The following LARGE1 variants were observed in gnomAD, a reference collection of about 807,000 sequenced individuals.
The protein encoded by LARGE1 is LARGE xylosyl- and glucuronyltransferase 1.
A neutral mutation model predicts 87.6 loss-of-function variants in LARGE1; 43 were observed. The observed-to-expected ratio is 0.49, with a 90% CI of 0.38 to 0.63. The LOEUF (loss-of-function observed/expected upper bound fraction) is 0.63. Among genes scored for constraint, LARGE1 ranks in the 30% least tolerant of loss-of-function variants. The probability of loss-of-function intolerance (pLI) is 0.00; values close to 1 mark genes in which losing one functional copy is unlikely to be tolerated. For synonymous variants in LARGE1, 434 were observed against 394.6 expected, an observed-to-expected ratio of 1.10 and a Z score of -1.18; for missense variants, 802 against 1,000.2, an observed-to-expected ratio of 0.80 and a Z score of 2.67.
chr22:33,149,358 T>C, the LARGE1 span, among the ~76,000 whole-genome samples: 3 of 152,158 alleles, frequency 2.0e-5, no homozygotes, highest in African/African-American at 7.2e-5. Flanking sequence ...CTTAACAGTG[T>C]CTTTCATGGA....
chr22:33,780,119 C>G (rs752869774), intron 1 of LARGE1, among the ~76,000 whole-genome samples: 2 of 152,200 alleles, frequency 1.3e-5, no homozygotes, highest in Non-Finnish European at 2.9e-5. Context: ...CCAACCTTCA[C>G]GCGACATTGT....
the LARGE1 span, among the ~76,000 whole-genome samples, chr22:33,128,410 C>T: frequency 3.3e-5 from 5 of 152,206 alleles, no homozygotes; most frequent in South Asian, 2.1e-4. Flanking sequence ...TGCAGTGGCT[C>T]ATGCCTGTAA....
intron 6 of LARGE1, among the ~76,000 whole-genome samples, chr22:33,452,664 C>T (rs773658731): frequency 7.9e-5 from 12 of 152,140 alleles, no homozygotes; most frequent in African/African-American, 2.4e-5. Context: ...TTTGTCAGAA[C>T]AGCATTTCAG....
intron 1 of LARGE1, among the ~76,000 whole-genome samples, chr22:33,807,177 C>T (rs1235587657): frequency 1.3e-5 from 2 of 152,146 alleles, no homozygotes; most frequent in East Asian, 3.9e-4. Flanking sequence ...AGCTATGTGA[C>T]CCTGAGTTAA....
At chr22:33,724,811 AG>A (rs766588018) in intron 2 of LARGE1, 1 of 152,334 alleles carries the variant, frequency 6.6e-6, no homozygotes, top group Non-Finnish European at 1.5e-5. Flanking sequence ...ACCTGCCCTC[AG>A]GGAGTTTACA....
At chr22:33,748,601 G>A (rs1047188729) in intron 2 of LARGE1, among the ~76,000 whole-genome samples, 7 of 152,144 alleles carry the variant, frequency 4.6e-5, no homozygotes, top group Non-Finnish European at 7.3e-5. Flanking sequence ...GGTAAGAGAG[G>A]TTAAGTGACT....
chr22:33,470,496 T>C (rs2148101365), intron 6 of LARGE1, among the ~76,000 whole-genome samples: 1 of 152,322 alleles, frequency 6.6e-6, no homozygotes, highest in African/African-American at 2.4e-5. Flanking sequence ...TCAAAGATCT[T>C]AGAATCTATT....
At chr22:33,471,943 G>A (rs978842810) in intron 6 of LARGE1, among the ~76,000 whole-genome samples, 17 of 152,024 alleles carry the variant, frequency 1.1e-4, no homozygotes, top group Admixed American at 7.2e-4. Context: ...CTAGCTACTC[G>A]GGAGGCTGAG....
intron 1 of LARGE1, among the ~76,000 whole-genome samples, chr22:33,871,645 C>G (rs1433124843): frequency 6.6e-6 from 1 of 152,078 alleles, no homozygotes; most frequent in Non-Finnish European, 1.5e-5. Flanking sequence ...CTACTACCAA[C>G]CTCCTTCCCC....
chr22:33,636,919 T>C (rs973502533), intron 3 of LARGE1, among the ~76,000 whole-genome samples: 1 of 152,182 alleles, frequency 6.6e-6, no homozygotes, highest in Non-Finnish European at 1.5e-5. Flanking sequence ...TGGGTATGTA[T>C]CAGCAATCAT....
At chr22:33,244,486 T>C (rs186716634) in intron 11 of LARGE1, among the ~76,000 whole-genome samples, 28 of 152,294 alleles carry the variant, frequency 1.8e-4, no homozygotes, top group African/African-American at 6.5e-4. Context: ...CTGAACTCCA[T>C]TCTTTAGCCC....
At chr22:33,230,629 T>C (rs1479146974) in intron 11 of LARGE1, among the ~76,000 whole-genome samples, 3 of 152,222 alleles carry the variant, frequency 2.0e-5, no homozygotes, top group Non-Finnish European at 4.4e-5. Flanking sequence ...GAAAATCCCT[T>C]CTCAGAGATA....
chr22:33,312,672 G>C (rs1310396277), intron 11 of LARGE1, among the ~76,000 whole-genome samples: 2 of 152,132 alleles, frequency 1.3e-5, no homozygotes, highest in African/African-American at 4.8e-5. Flanking sequence ...ATGCAACAGA[G>C]AGCCAGTGAT....
intron 2 of LARGE1, among the ~76,000 whole-genome samples, chr22:33,708,917 C>T (rs1057450342): frequency 2.6e-5 from 4 of 152,152 alleles, no homozygotes; most frequent in East Asian, 1.9e-4. Flanking sequence ...GTTTCTTCTG[C>T]GGCCTCTCCT....
intron 1 of LARGE1, among the ~76,000 whole-genome samples, chr22:33,824,819 A>G (rs531861249): frequency 6.6e-6 from 1 of 152,366 alleles, no homozygotes; most frequent in South Asian, 2.1e-4. Context: ...AAGTACTGGT[A>G]CACGATATGG....
chr22:33,448,470 A>G (rs1362668844), intron 6 of LARGE1, among the ~76,000 whole-genome samples: 2 of 152,208 alleles, frequency 1.3e-5, no homozygotes. Flanking sequence ...ATATTCTCAC[A>G]TAGTTTATCC....
intron 11 of LARGE1, among the ~76,000 whole-genome samples, chr22:33,201,209 G>A (rs1050256559): frequency 1.3e-5 from 2 of 152,154 alleles, no homozygotes; most frequent in African/African-American, 4.8e-5. Flanking sequence ...TTGGGAGGCT[G>A]AGGCAGGAGA....
chr22:33,596,288 T>A (rs2078974605), intron 5 of LARGE1, among the ~76,000 whole-genome samples: 1 of 152,222 alleles, frequency 6.6e-6, no homozygotes, highest in African/African-American at 2.4e-5. Context: ...GTCCAACATT[T>A]CACAGTCAAA....
intron 11 of LARGE1, among the ~76,000 whole-genome samples, chr22:33,312,247 T>C (rs1011589437): frequency 2.0e-5 from 3 of 152,016 alleles, no homozygotes; most frequent in Non-Finnish European, 2.9e-5. Context: ...ATTGAGACCA[T>C]GCTGGCCAAC....
Sources: allele counts gnomAD v4.1 joint callset (sites outside exome capture counted in the v4.1 genomes callset), GRCh38; gene constraint gnomAD v4.1.1; transcripts MANE v1.5; gene names NCBI Gene and HGNC (gene_info 2026-07-23, HGNC 2026-07-21).